HSBP1L1: variants seen among roughly 807,000 people sequenced by gnomAD.
HSBP1L1 encodes the protein heat shock factor binding protein 1 like 1.
In HSBP1L1, 8 loss-of-function variants were observed where a neutral mutation model predicts 9.7. The observed-to-expected ratio is 0.82, with a 90% CI of 0.48 to 1.48. The LOEUF (loss-of-function observed/expected upper bound fraction) is 1.48, where lower values mean the gene tolerates loss of function less well. Among genes scored for constraint, HSBP1L1 ranks in the 40% most tolerant of loss-of-function variants. The pLI is 0.00. For missense variants in HSBP1L1, 106 were observed against 95.8 expected, an observed-to-expected ratio of 1.11 and a Z score of -0.44; for synonymous variants, 39 against 34.4, an observed-to-expected ratio of 1.13 and a Z score of -0.46.
chr18:79,969,331 A>AAGAAAG (rs1351455464), intron 3 of HSBP1L1, among the ~76,000 whole-genome samples: 6 of 72,022 alleles, frequency 8.3e-5, no homozygotes, highest in Admixed American at 3.1e-4. Context: ...GAAAGAAAGA[A>AAGAAAG]AAAGAAAGAA....
At chr18:79,965,625 G>C (rs1430598) in intron 1 of HSBP1L1, among the ~76,000 whole-genome samples, 26,060 of 152,182 alleles carry the variant, frequency 0.17, 2,357 homozygotes, top group Middle Eastern at 0.25. Flanking sequence ...AGCAATGGTG[G>C]TATTTCTGTG....
intron 1 of HSBP1L1, 138 bp from the exon 2 acceptor site, chr18:79,966,474 C>T (rs1250136707): frequency 1.5e-5 from 9 of 596,700 alleles, no homozygotes; most frequent in South Asian, 5.9e-5. Context: ...ATCCAGGAGG[C>T]GGAGGTTGTA....
chr18:79,969,259 A>AGAGAGAGG lies in HSBP1L1; in HGVS notation c.213+1079_213+1080insAGAGGGAG, dbSNP rs2051274921. ...AGGAGAGAGAGGAGAGGAGAGAGAG[A>AGAGAGAGG]GAGGGAGGGAGGGAGGGAGGGAGGG... On this transcript the variant is annotated intron_variant, in intron 3 of 3. Coordinates refer to ENST00000451882, the MANE Select transcript of HSBP1L1 (RefSeq NM_001136180.2). Among the ~76,000 whole-genome samples the AGAGAGAGG allele has an allele frequency of 2.0e-4, 4 of 20,346 alleles. 1 individual carries two copies. The South Asian group carries it at 9.4e-3, about 48-fold the overall frequency. The allele number at this position is 20,346 out of a possible 152,430, so 13.3% of individuals were successfully genotyped here.
Position 79,964,801 on chromosome 18 carries a change from G to C in HSBP1L1, c.51+15G>C, listed in dbSNP as rs1219493109. The C allele has an allele frequency of 8.2e-7, 1 of 1,215,214 alleles. No homozygotes were observed. The allele number at this position is 1,215,214 out of a possible 1,614,324, so 75.3% of individuals were successfully genotyped here. ...TGCGGGACGCGGTGAGCCCCTCCCC[G>C]ACTCCTGCTTCTCTCTGGATGGGGG... On this transcript the variant is annotated intron_variant, in intron 1 of 3. Transcript: ENST00000451882.
chr18:79,964,924 G>T (rs191562453), intron 1 of HSBP1L1, 138 bp downstream of exon 1: 6 of 422,922 alleles, frequency 1.4e-5, no homozygotes, highest in Admixed American at 4.8e-5. Context: ...GTCCTGGGGG[G>T]CCTGCGATCC....
At chr18:79,970,341 C>G (rs2051288719) in intron 3 of HSBP1L1, 99 bp from the exon 4 acceptor site, 1 of 711,974 alleles carries the variant, frequency 1.4e-6, no homozygotes, top group African/African-American at 1.8e-5. Context: ...TGTACTGCAG[C>G]CACAAAGCAC....
chr18:79,970,545 T>G lies in HSBP1L1; in HGVS notation c.*94T>G. The G allele has an allele frequency of 1.4e-6, 1 of 712,882 alleles. No individual in the cohort carries two copies. 44.2% of individuals were successfully genotyped at this position (712,882 alleles called of 1,614,324 possible). On this transcript the variant is annotated 3_prime_UTR_variant, in exon 4 of 4. Transcript: ENST00000451882. ...TGGGGCCCTCATCCAACAGGATTCG[T>G]CTTTCTGAGAAGAGACGCAAGGGGC...
chr18:79,969,308 GAAAGGAAAGAAAGAAAGAAAGAAAAA>G (rs2145037249), intron 3 of HSBP1L1, among the ~76,000 whole-genome samples: 1 of 51,132 alleles, frequency 2.0e-5, no homozygotes, highest in East Asian at 1.0e-3. Flanking sequence ...GAGAGAGAGA[GAAAGGAAAGAAAGAAAGAAAGAAAAA>G]GAAAGAAAGA....
At position 79,966,693 on chromosome 18, in the gene HSBP1L1, C is replaced by T. The variant is rs1174817134; in HGVS notation, c.118+15C>T. The T allele has an allele frequency of 2.0e-6, 3 of 1,519,066 alleles. No homozygotes were observed. Among genetic ancestry groups the T allele is most frequent in the East Asian group, 4.9e-5 (2 of 40,782 alleles). The allele number at this position is 1,519,066 out of a possible 1,614,324, so 94.1% of individuals were successfully genotyped here. On this transcript the variant is annotated intron_variant, in intron 2 of 3. Coordinates refer to ENST00000451882, the MANE Select transcript of HSBP1L1 (RefSeq NM_001136180.2). ...AAACCTCAGAAATATCCTTTTCTAC[C>T]TTTAACAAATGCTGTGATTCTTTCG...
At chr18:79,968,240 T>G (rs1568356013) in intron 3 of HSBP1L1, 57 bp downstream of exon 3, 5 of 1,002,622 alleles carry the variant, frequency 5.0e-6, no homozygotes, top group Non-Finnish European at 7.6e-6. Context: ...TGCTTTCATC[T>G]TGAAACATAC....
At chr18:79,967,445 G>C (rs953597867) in intron 2 of HSBP1L1, 1 of 152,050 alleles carries the variant, frequency 6.6e-6, no homozygotes, top group Admixed American at 6.5e-5. Flanking sequence ...TTTGGAGTTG[G>C]AGCAAATCTA....
rs5826682 is a variant in HSBP1L1, at chr18:79,967,147, C to CAAAAA, written c.118+483_118+487dup. On this transcript the variant is annotated intron_variant, in intron 2 of 3. Coordinates refer to ENST00000451882, the MANE Select transcript of HSBP1L1 (RefSeq NM_001136180.2). ...TGGGTGACAGAGCGAGACTCCGTCT[C>CAAAAA]AAAAAAAAAAAAAAAAAAGCTCTAC... 2.6e-3 allele frequency among the ~76,000 whole-genome samples: 276 copies of CAAAAA among 105,166 alleles called. 2 individuals carry two copies. The highest frequency in any genetic ancestry group is 9.4e-3 in the African/African-American group (256 of 27,116). The allele number at this position is 105,166 out of a possible 152,430, so 69.0% of individuals were successfully genotyped here.
intron 1 of HSBP1L1, 108 bp downstream of exon 1, chr18:79,964,894 G>A: frequency 1.9e-6 from 1 of 521,484 alleles, no homozygotes; most frequent in Non-Finnish European, 2.9e-6. Context: ...GGTGCCCTGC[G>A]GTCTTCGTGG....
chr18:79,966,121 T>C (rs12150735), intron 1 of HSBP1L1, among the ~76,000 whole-genome samples: 54,830 of 151,808 alleles, frequency 0.36, 10,845 homozygotes, highest in African/African-American at 0.52. Flanking sequence ...TTAGTAGAGA[T>C]GGGGTTTCAC....
rs960886503 is a variant in HSBP1L1 at position 79,966,783 on chromosome 18, G to A, written c.118+105G>A. ...TAGTAGTAGGTAATAGTTTACTTAG[G>A]ATTTCCCAGTATTTACTTCTGTGCT... On this transcript the variant is annotated intron_variant, in intron 2 of 3. Coordinates refer to ENST00000451882, the MANE Select transcript of HSBP1L1 (RefSeq NM_001136180.2). The A allele has an allele frequency of 9.6e-6, 8 of 836,102 alleles. No individual in the cohort carries two copies. The African/African-American group carries it at 1.0e-4, about 11-fold the overall frequency. The allele number at this position is 836,102 out of a possible 1,614,324, so 51.8% of individuals were successfully genotyped here.
intron 1 of HSBP1L1, 114 bp from the exon 2 acceptor site, chr18:79,966,498 G>C (rs185665415): frequency 1.5e-6 from 1 of 677,414 alleles, no homozygotes; most frequent in African/African-American, 1.8e-5. Flanking sequence ...AGCTGAGATC[G>C]CGCCATTGCA....
At position 79,969,309 on chromosome 18, in the gene HSBP1L1, A is replaced by AGAGAGG. The variant is rs151314869; in HGVS notation, c.213+1126_213+1127insGAGAGG. The stretch of plus-strand genomic sequence containing the variant: ...GAGGGAGGGAGGGAGAGAGAGAGAG[A>AGAGAGG]AAGGAAAGAAAGAAAGAAAGAAAAA... On this transcript the variant is annotated intron_variant, in intron 3 of 3. Transcript: ENST00000451882. 1.1e-3 allele frequency among the ~76,000 whole-genome samples: 48 copies of AGAGAGG among 44,202 alleles called. 3 individuals are homozygous for AGAGAGG. Among genetic ancestry groups the AGAGAGG allele is most frequent in the Non-Finnish European group, 1.6e-3 (35 of 21,316 alleles). 29.0% of individuals were successfully genotyped at this position (44,202 alleles called of 152,430 possible).
chr18:79,969,341 A>AAG (rs1185656872), intron 3 of HSBP1L1, among the ~76,000 whole-genome samples: 2 of 27,472 alleles, frequency 7.3e-5, no homozygotes, highest in East Asian at 2.4e-3. Flanking sequence ...AAAAGAAAGA[A>AAG]AGAAAGAAAG....
At chr18:79,967,147 C>CAAAAAAAAAA (rs5826682) in intron 2 of HSBP1L1, among the ~76,000 whole-genome samples, 77 of 105,166 alleles carry the variant, frequency 7.3e-4, no homozygotes, top group African/African-American at 2.7e-3. Flanking sequence ...GACTCCGTCT[C>CAAAAAAAAAA]AAAAAAAAAA....
Sources: allele counts gnomAD v4.1 joint callset (sites outside exome capture counted in the v4.1 genomes callset), GRCh38; gene constraint gnomAD v4.1.1; transcripts MANE v1.5; gene names NCBI Gene and HGNC (gene_info 2026-07-23, HGNC 2026-07-21).